USP46: variants seen among roughly 807,000 people sequenced by gnomAD.
USP46 encodes the protein ubiquitin carboxyl-terminal hydrolase 46.
Under a neutral mutation model 44.4 loss-of-function variants are expected in USP46, and 12 were observed. The observed-to-expected ratio is 0.27, with a 90% CI of 0.17 to 0.44. The LOEUF is 0.44. USP46 is among the 20% of genes least tolerant of loss of function. The probability of loss-of-function intolerance (pLI) is 1.00; values close to 1 mark genes in which losing one functional copy is unlikely to be tolerated. For missense variants in USP46, 248 were observed against 444.8 expected, an observed-to-expected ratio of 0.56 and a Z score of 3.98; for synonymous variants, 155 against 161.5, an observed-to-expected ratio of 0.96 and a Z score of 0.31.
intron 7 of USP46, 25 bp from the exon 8 acceptor site, chr4:52,598,731 G>C (rs1343089604): frequency 6.3e-7 from 1 of 1,574,912 alleles, no homozygotes; most frequent in African/African-American, 1.4e-5. Flanking sequence ...ATAAAAGGCA[G>C]TTAGCAAGTT....
At chr4:52,609,100 G>A (rs1344428547) in intron 5 of USP46, among the ~76,000 whole-genome samples, 1 of 152,142 alleles carries the variant, frequency 6.6e-6, no homozygotes, top group Non-Finnish European at 1.5e-5. Flanking sequence ...CTCTGCCTAA[G>A]ACACAGTACT....
intron 4 of USP46, among the ~76,000 whole-genome samples, chr4:52,614,075 G>C (rs2109612488): frequency 6.6e-6 from 1 of 152,250 alleles, no homozygotes; most frequent in South Asian, 2.1e-4. Flanking sequence ...ACAGCAAAGT[G>C]GAGGTGACAG....
intron 5 of USP46, among the ~76,000 whole-genome samples, chr4:52,609,894 A>ATTTTTTTTTTTTTTTT (rs1423146190): frequency 9.7e-5 from 2 of 20,646 alleles, no homozygotes; most frequent in Admixed American, 5.2e-4. Context: ...CCTCAATTCT[A>ATTTTTTTTTTTTTTTT]TTTCTTTTTT....
intron 4 of USP46, among the ~76,000 whole-genome samples, chr4:52,616,874 G>GTATGAGGGGT (rs1383503175): frequency 6.6e-6 from 1 of 152,178 alleles, no homozygotes; most frequent in Non-Finnish European, 1.5e-5. Context: ...TCTAATTAGT[G>GTATGAGGGGT]TATGGATCAA....
chr4:52,625,951 A>T, intron 4 of USP46, 67 bp downstream of exon 4: 1 of 1,418,328 alleles, frequency 7.1e-7, no homozygotes, highest in Non-Finnish European at 9.7e-7. Context: ...CGACATTGCA[A>T]TCACATGCAA....
Position 52,627,728 on chromosome 4 carries a change from T to G in USP46, c.331+222A>C, listed in dbSNP as rs183936706. Among the ~76,000 whole-genome samples, 32 of 152,356 alleles carry G rather than the reference T, an allele frequency of 2.1e-4. 1 individual carries two copies. Among genetic ancestry groups the G allele is most frequent in the African/African-American group, 7.2e-4 (30 of 41,584 alleles). On this transcript the variant is annotated intron_variant, in intron 3 of 8. Transcript: ENST00000441222. ...AGCAAATAAAATGGTCATTCTAAAT[T>G]GGAATAATAAATGTGCGTTTTTAAG...
Position 52,659,083 on chromosome 4 carries a change from G to C in USP46, c.36+32C>G. On this transcript the variant is annotated intron_variant, in intron 1 of 8. Transcript: ENST00000441222. This position sits in a 1 kb window ranked among gnomAD's most constrained non-coding sequence, Gnocchi z 4.2. ...CCCTTTCTTTGCCTCGCCGCGAGTC[G>C]GGCGCGACCCCGAGGCGGCTCGGCC... 6.5e-7 allele frequency: 1 copy of C among 1,548,694 alleles called. No homozygotes were observed. The highest frequency in any genetic ancestry group is 8.7e-7 in the Non-Finnish European group (1 of 1,149,440).
rs534117165 is a variant in USP46, at chr4:52,618,533, A to G, written c.561+7485T>C. Among the ~76,000 whole-genome samples, 29 of 151,760 alleles carry G rather than the reference A, an allele frequency of 1.9e-4. No homozygotes were observed. In the South Asian group the frequency reaches 6.1e-3, roughly 32 times the overall value. ...ATAGCCAGGCATGGTGGTGTGCACT[A>G]CTGTATTCCAGCCTGGGCAACAGAG... On this transcript the variant is annotated intron_variant, in intron 4 of 8. Coordinates refer to ENST00000441222, the MANE Select transcript of USP46 (RefSeq NM_022832.4).
Position 52,602,021 on chromosome 4 carries a change from G to A in USP46, c.756C>T (p.Ala252=). Residue 252 remains alanine (A), a synonymous_variant, in exon 7 of 9, where the codon GCC becomes GCT. Transcript: ENST00000441222. ...TGTACTTGAACCGCTTTAGGTGCAG[G>A]GCCAAGATCATGGGCAGCTTTTTTA... ...MRVKKLPMIL[A]LHLKRFKYME... 6.2e-7 allele frequency: 1 copy of A among 1,613,506 alleles called. No individual in the cohort carries two copies.
chr4:52,608,226 G>C (rs1716774049), intron 5 of USP46, among the ~76,000 whole-genome samples: 1 of 152,216 alleles, frequency 6.6e-6, no homozygotes. Flanking sequence ...TTCTGGATGG[G>C]AAGGCTATCA....
intron 3 of USP46, 84 bp from the exon 4 acceptor site, chr4:52,626,331 A>G (rs190003230): frequency 9.1e-7 from 1 of 1,104,972 alleles, no homozygotes; most frequent in East Asian, 2.8e-5. Context: ...ATACTTAAAT[A>G]TTTTTTTTTT....
intron 7 of USP46, among the ~76,000 whole-genome samples, chr4:52,600,813 A>G (rs1040805143): frequency 2.6e-5 from 4 of 152,148 alleles, no homozygotes; most frequent in African/African-American, 9.7e-5. Flanking sequence ...GTTCCAGATC[A>G]CTGGAACCCT....
chr4:52,636,999 C>T (rs1312467170), intron 1 of USP46, among the ~76,000 whole-genome samples: 2 of 151,816 alleles, frequency 1.3e-5, no homozygotes, highest in Non-Finnish European at 2.9e-5. Context: ...TTTGTAGGGA[C>T]AGGGTTTTCC....
intron 1 of USP46, among the ~76,000 whole-genome samples, chr4:52,656,049 C>T (rs1351490114): frequency 6.6e-6 from 1 of 152,172 alleles, no homozygotes; most frequent in Admixed American, 6.5e-5. Flanking sequence ...GGAAACAAAT[C>T]CACTTTCAAT....
In USP46 at chr4:52,633,566, C is replaced by T. The variant is rs1022152534; in HGVS notation, c.37-2422G>A. ...TAAATAATGCATATTAAATATACCC[C>T]CATAACCATTCTTCAAGCAAAATTA... On this transcript the variant is annotated intron_variant, in intron 1 of 8. Transcript: ENST00000441222. 3.3e-5 allele frequency among the ~76,000 whole-genome samples: 5 copies of T among 152,054 alleles called. 1 individual carries two copies. The highest frequency in any genetic ancestry group is 1.3e-4 in the Admixed American group (2 of 15,262).
chr4:52,655,019 A>G (rs1718901199), intron 1 of USP46, among the ~76,000 whole-genome samples: 1 of 152,218 alleles, frequency 6.6e-6, no homozygotes, highest in South Asian at 2.1e-4. Context: ...GAGACACCCA[A>G]TGGTGCAGAT....
At position 52,595,795 on chromosome 4, in the gene USP46, TGGATTCTATATA is replaced by T. The variant is rs1318373643; in HGVS notation, c.*1833_*1844del. On this transcript the variant is annotated 3_prime_UTR_variant, in exon 9 of 9. Transcript: ENST00000441222. ...ACTTTGTAACTTGCAGTCAAATATA[TGGATTCTATATA>T]GTACAAACATTTCCCTACATCAATC... 1 of 152,198 alleles carries T rather than the reference TGGATTCTATATA, an allele frequency of 6.6e-6. No homozygotes were observed. The highest frequency in any genetic ancestry group is 1.5e-5 in the Non-Finnish European group (1 of 68,030). 9.4% of individuals were successfully genotyped at this position (152,198 alleles called of 1,614,324 possible).
Position 52,592,875 on chromosome 4 carries a change from C to A in USP46, c.*4765G>T, listed in dbSNP as rs73248657. 1 of 398,424 alleles carries A rather than the reference C, an allele frequency of 2.5e-6. No homozygotes were observed. The highest frequency in any genetic ancestry group is 4.4e-6 in the Non-Finnish European group (1 of 226,110). 24.7% of individuals were successfully genotyped at this position (398,424 alleles called of 1,614,324 possible). A position where few individuals can be genotyped will look rare whatever the true frequency, so the allele number is the denominator to read the frequency against. On this transcript the variant is annotated 3_prime_UTR_variant, in exon 9 of 9. Transcript: ENST00000441222. ...GAAAGAAAAGTGTGTAACCCCTCCC[C>A]CTTTGCTCTCTTCCTCTTGCTCCTG...
chr4:52,600,918 G>T (rs1023797640), intron 7 of USP46, among the ~76,000 whole-genome samples: 1 of 152,202 alleles, frequency 6.6e-6, no homozygotes, highest in African/African-American at 2.4e-5. Context: ...GAGAATACAA[G>T]AAAATATCCA....
Sources: gnomAD v4.1 joint callset for allele counts (sites outside exome capture counted in the v4.1 genomes callset) on GRCh38, gnomAD v4.1.1 for gene constraint, Gnocchi (gnomAD v3.1) non-coding constraint, MANE v1.5 for transcripts, NCBI Gene and HGNC (gene_info 2026-07-23, HGNC 2026-07-21) for gene names.